The following STARD13 variants were observed in gnomAD, a reference collection of about 807,000 sequenced individuals.
STARD13 encodes stAR-related lipid transfer protein 13.
STARD13 carries 62 observed loss-of-function variants against 106.4 expected under a neutral mutation model. The ratio of observed to expected loss-of-function variants is 0.58; its 90% CI spans 0.48 to 0.72. The LOEUF is 0.72. Ranked by LOEUF, STARD13 falls within the 30% of genes least tolerant of loss-of-function variation. STARD13 has a pLI of 0.00. For missense variants in STARD13, 1,387 were observed against 1,424.0 expected, an observed-to-expected ratio of 0.97 and a Z score of 0.42; for synonymous variants, 565 against 553.0, an observed-to-expected ratio of 1.02 and a Z score of -0.31.
intron 3 of STARD13, among the ~76,000 whole-genome samples, chr13:33,162,650 T>C (rs186607428): frequency 1.2e-3 from 183 of 152,324 alleles, no homozygotes; most frequent in Non-Finnish European, 7.6e-4. Flanking sequence ...ACCAGTCTCT[T>C]TGCTAAAACA....
the STARD13 span, among the ~76,000 whole-genome samples, chr13:33,499,128 ACT>A: frequency 6.6e-6 from 1 of 152,180 alleles, no homozygotes; most frequent in African/African-American, 2.4e-5. Flanking sequence ...GCAGAGTAAG[ACT>A]CTGTCTCAAA....
chr13:33,382,874 A>G, the STARD13 span, among the ~76,000 whole-genome samples: 1 of 152,230 alleles, frequency 6.6e-6, no homozygotes, highest in African/African-American at 2.4e-5. Context: ...AATATTAGCT[A>G]TTACTATTAT....
intron 7 of STARD13, among the ~76,000 whole-genome samples, 192 bp downstream of exon 7, chr13:33,125,889 A>G (rs1272787499): frequency 2.6e-5 from 4 of 152,184 alleles, no homozygotes; most frequent in South Asian, 4.1e-4. Flanking sequence ...TAAGTTGCCA[A>G]TGAGGAAACA....
the STARD13 span, among the ~76,000 whole-genome samples, chr13:33,439,405 A>C: frequency 1.3e-5 from 2 of 152,258 alleles, no homozygotes; most frequent in Admixed American, 1.3e-4. Context: ...GTACATTTCA[A>C]GATAAAGACT....
Position 33,339,244 on chromosome 13 carries a change from T to C in STARD13, c.124+11046A>G, listed in dbSNP as rs76284889. Among the ~76,000 whole-genome samples the C allele has an allele frequency of 2.0e-3, 308 of 152,312 alleles. 1 individual carries two copies. Among genetic ancestry groups the C allele is most frequent in the African/African-American group, 7.3e-3 (302 of 41,560 alleles). On this transcript the variant is annotated intron_variant, in intron 1 of 5. Transcript: ENST00000567873. ...CTGGTTTAACTGGTGGAGGCAGGAT[T>C]CAAACTCATGTAGCTTTGACTCCAG... is the stretch of plus-strand genomic sequence containing the variant.
chr13:33,669,852 T>C, the STARD13 span, among the ~76,000 whole-genome samples: 1 of 152,140 alleles, frequency 6.6e-6, no homozygotes, highest in African/African-American at 2.4e-5. Flanking sequence ...ATGTTCTTCT[T>C]ATCCTACTCT....
chr13:33,290,197 A>C (rs1380639783), upstream of STARD13, among the ~76,000 whole-genome samples: 1 of 152,130 alleles, frequency 6.6e-6, no homozygotes. Context: ...CTTCACACAC[A>C]TTCCAGCCTC....
the STARD13 span, among the ~76,000 whole-genome samples, chr13:33,368,389 T>A: frequency 6.6e-6 from 1 of 152,334 alleles, no homozygotes; most frequent in Admixed American, 6.5e-5. Flanking sequence ...CCAGACACTG[T>A]GTTGGGCACA....
the STARD13 span, among the ~76,000 whole-genome samples, chr13:33,362,147 G>C: frequency 6.6e-6 from 1 of 152,104 alleles, no homozygotes; most frequent in Admixed American, 6.5e-5. Flanking sequence ...TTGTTCTGCA[G>C]GCTGTACAAG....
chr13:33,416,071 A>G, the STARD13 span, among the ~76,000 whole-genome samples: 1 of 152,312 alleles, frequency 6.6e-6, no homozygotes, highest in South Asian at 2.1e-4. Flanking sequence ...TTTCTTTAAG[A>G]TATTTCTGAA....
the STARD13 span, among the ~76,000 whole-genome samples, chr13:33,526,275 T>G: frequency 6.6e-6 from 1 of 152,126 alleles, no homozygotes; most frequent in Non-Finnish European, 1.5e-5. Context: ...GTGTTTTCTT[T>G]GGTATTTTTG....
chr13:33,619,466 A>G, the STARD13 span, among the ~76,000 whole-genome samples: 3,824 of 152,290 alleles, frequency 0.025, 44 homozygotes, highest in Middle Eastern at 0.048. Context: ...AAAGTAGTAT[A>G]ATAATTGATT....
the STARD13 span, among the ~76,000 whole-genome samples, chr13:33,633,472 T>C: frequency 6.6e-6 from 1 of 152,218 alleles, no homozygotes; most frequent in South Asian, 2.1e-4. Flanking sequence ...GATATTAAAT[T>C]GCAGGAAAAA....
the STARD13 span, among the ~76,000 whole-genome samples, chr13:33,437,165 G>A: frequency 4.6e-5 from 7 of 152,146 alleles, no homozygotes; most frequent in African/African-American, 1.4e-4. Context: ...TAACCTAATC[G>A]GTTATGTTAT....
At chr13:33,232,825 C>T (rs953943631) in intron 1 of STARD13, among the ~76,000 whole-genome samples, 11 of 152,116 alleles carry the variant, frequency 7.2e-5, no homozygotes, top group African/African-American at 2.4e-4. Flanking sequence ...GATACAAGAC[C>T]CCTCATTCAT....
At chr13:33,430,192 C>T in the STARD13 span, among the ~76,000 whole-genome samples, 1 of 152,236 alleles carries the variant, frequency 6.6e-6, no homozygotes, top group Non-Finnish European at 1.5e-5. Flanking sequence ...ACTGGGATTA[C>T]AGGCGTGAGC....
the STARD13 span, among the ~76,000 whole-genome samples, chr13:33,474,373 A>T: frequency 6.6e-6 from 1 of 152,214 alleles, no homozygotes; most frequent in Non-Finnish European, 1.5e-5. Context: ...ACAGAGTTTA[A>T]CCATGTGAAC....
the STARD13 span, among the ~76,000 whole-genome samples, chr13:33,530,143 C>G: frequency 6.7e-6 from 1 of 149,728 alleles, no homozygotes; most frequent in Non-Finnish European, 1.5e-5. Context: ...GTGAATGCTT[C>G]TTCAACACCT....
chr13:33,550,861 T>C, the STARD13 span, among the ~76,000 whole-genome samples: 1 of 152,220 alleles, frequency 6.6e-6, no homozygotes, highest in Non-Finnish European at 1.5e-5. Context: ...TCCAACAATG[T>C]ATCCTTCTCT....
Sources: allele counts gnomAD v4.1 joint callset (sites outside exome capture counted in the v4.1 genomes callset), GRCh38; gene constraint gnomAD v4.1.1; transcripts MANE v1.5; gene names NCBI Gene and HGNC (gene_info 2026-07-23, HGNC 2026-07-21).